The following INPP4B variants were observed in gnomAD, a reference collection of about 807,000 sequenced individuals.
The protein encoded by INPP4B is inositol polyphosphate 4-phosphatase type II.
A neutral mutation model predicts 122.5 loss-of-function variants in INPP4B; 55 were observed. That is an observed-to-expected ratio of 0.45 (90% confidence interval 0.36 to 0.56). The LOEUF is 0.56. INPP4B is among the 20% of genes least tolerant of loss of function. The pLI is 0.00. For missense variants in INPP4B, 1,000 were observed against 1,097.7 expected, an observed-to-expected ratio of 0.91 and a Z score of 1.26; for synonymous variants, 403 against 388.7, an observed-to-expected ratio of 1.04 and a Z score of -0.43.
chr4:142,385,746 A>AT (rs919877205), intron 7 of INPP4B, among the ~76,000 whole-genome samples: 2 of 152,018 alleles, frequency 1.3e-5, no homozygotes, highest in Non-Finnish European at 2.9e-5. Context: ...TTACTTGTGT[A>AT]TTTTTTTATT....
intron 3 of INPP4B, among the ~76,000 whole-genome samples, chr4:142,461,032 A>T (rs946840285): frequency 1.7e-4 from 26 of 152,028 alleles, no homozygotes; most frequent in African/African-American, 6.0e-4. Flanking sequence ...TTAGACAGGC[A>T]TGGTGGTGCA....
intron 7 of INPP4B, among the ~76,000 whole-genome samples, chr4:142,370,734 GTGAAAAGCCTTCATGA>G (rs1789590294): frequency 1.3e-5 from 2 of 152,052 alleles, no homozygotes; most frequent in African/African-American, 4.8e-5. Context: ...AACCAAGGTA[GTGAAAAGCCTTCATGA>G]TGAAAATTGC....
At chr4:142,094,786 T>C (rs996183216) in intron 23 of INPP4B, among the ~76,000 whole-genome samples, 3 of 152,228 alleles carry the variant, frequency 2.0e-5, no homozygotes, top group Non-Finnish European at 4.4e-5. Flanking sequence ...CTCTTCAGGC[T>C]CCTGGAGGCA....
At chr4:142,104,154 A>G (rs1472863737) in intron 23 of INPP4B, among the ~76,000 whole-genome samples, 1 of 152,076 alleles carries the variant, frequency 6.6e-6, no homozygotes, top group African/African-American at 2.4e-5. Context: ...GAAAGGACAG[A>G]TAATTTAGCT....
intron 3 of INPP4B, among the ~76,000 whole-genome samples, chr4:142,449,714 A>C (rs576903621): frequency 3.8e-4 from 58 of 151,908 alleles, no homozygotes; most frequent in African/African-American, 1.4e-3. Context: ...AAAAAAAAAG[A>C]AAGTACATTT....
chr4:142,833,812 C>CA (rs1454740629), intron 1 of INPP4B, among the ~76,000 whole-genome samples: 1 of 152,116 alleles, frequency 6.6e-6, no homozygotes, highest in Non-Finnish European at 1.5e-5. Context: ...CAAAAGCATG[C>CA]ATGTGAACAA....
chr4:142,713,013 A>C (rs75456841), intron 2 of INPP4B, among the ~76,000 whole-genome samples: 1,797 of 152,298 alleles, frequency 0.012, 16 homozygotes, highest in Middle Eastern at 0.02. Context: ...AAGAAATGGG[A>C]ATTATGGGAC....
intron 1 of INPP4B, among the ~76,000 whole-genome samples, chr4:142,842,522 T>A (rs1237947998): frequency 8.5e-6 from 1 of 118,040 alleles, no homozygotes; most frequent in Non-Finnish European, 1.8e-5. Flanking sequence ...CTATTACATA[T>A]ATTATATTAT....
intron 2 of INPP4B, among the ~76,000 whole-genome samples, chr4:142,561,333 A>T (rs1730423677): frequency 6.6e-6 from 1 of 152,256 alleles, no homozygotes; most frequent in East Asian, 1.9e-4. Context: ...AAATTATTTC[A>T]CTTGTCTAGA....
chr4:142,092,249 A>C (rs1446465478), intron 23 of INPP4B, among the ~76,000 whole-genome samples: 1 of 152,176 alleles, frequency 6.6e-6, no homozygotes, highest in Non-Finnish European at 1.5e-5. Context: ...CATAAGAGAT[A>C]AGAGCAGCCT....
At chr4:142,497,219 T>C (rs1822703190) in intron 2 of INPP4B, among the ~76,000 whole-genome samples, 2 of 152,156 alleles carry the variant, frequency 1.3e-5, no homozygotes, top group Admixed American at 1.3e-4. Context: ...CCCATTACTC[T>C]GGTTGTAACT....
intron 7 of INPP4B, among the ~76,000 whole-genome samples, chr4:142,379,350 G>C (rs112935436): frequency 5.9e-5 from 9 of 152,244 alleles, no homozygotes; most frequent in Non-Finnish European, 1.0e-4. Flanking sequence ...TCTTCAAAGA[G>C]AGCTTTACTT....
chr4:142,384,304 T>C (rs920638489), intron 7 of INPP4B, among the ~76,000 whole-genome samples: 1 of 152,218 alleles, frequency 6.6e-6, no homozygotes, highest in African/African-American at 2.4e-5. Flanking sequence ...TGCATAATGA[T>C]GGGGATAGAC....
intron 15 of INPP4B, among the ~76,000 whole-genome samples, chr4:142,176,057 A>C (rs1198177331): frequency 6.6e-6 from 1 of 151,454 alleles, no homozygotes; most frequent in Non-Finnish European, 1.5e-5. Flanking sequence ...AGCCTTTGGA[A>C]AGCTAGAATG....
At chr4:142,401,937 A>G (rs972283624) in intron 7 of INPP4B, among the ~76,000 whole-genome samples, 1 of 152,170 alleles carries the variant, frequency 6.6e-6, no homozygotes. Context: ...AATATAGAAT[A>G]TTTTTTTCCA....
chr4:142,115,001 C>T (rs1792335647), intron 21 of INPP4B, among the ~76,000 whole-genome samples: 1 of 151,982 alleles, frequency 6.6e-6, no homozygotes, highest in Non-Finnish European at 1.5e-5. Context: ...GGCACAAGAA[C>T]TACATGATGC....
chr4:142,326,228 T>C (rs1180995963), intron 7 of INPP4B, among the ~76,000 whole-genome samples: 2 of 152,140 alleles, frequency 1.3e-5, no homozygotes, highest in African/African-American at 4.8e-5. Flanking sequence ...TGGACTTAAC[T>C]AAAGCAAGAA....
intron 9 of INPP4B, among the ~76,000 whole-genome samples, chr4:142,274,911 T>C (rs1747671834): frequency 6.6e-6 from 1 of 151,832 alleles, no homozygotes; most frequent in Non-Finnish European, 1.5e-5. Context: ...GTCAAGTTTC[T>C]CTTTCCCTCA....
At chr4:142,510,410 AAAG>A (rs1824561283) in intron 2 of INPP4B, among the ~76,000 whole-genome samples, 1 of 152,236 alleles carries the variant, frequency 6.6e-6, no homozygotes, top group Non-Finnish European at 1.5e-5. Flanking sequence ...ATTTACTAAA[AAAG>A]AAGTTATTAT....
Sources: allele counts gnomAD v4.1 joint callset (sites outside exome capture counted in the v4.1 genomes callset), GRCh38; gene constraint gnomAD v4.1.1; transcripts MANE v1.5; gene names NCBI Gene and HGNC (gene_info 2026-07-23, HGNC 2026-07-21).